Variants in CADM2 observed in about 807,000 individuals in gnomAD.
CADM2 encodes cell adhesion molecule 2.
Under a neutral mutation model 49.8 loss-of-function variants are expected in CADM2, and 12 were observed. The ratio of observed to expected loss-of-function variants is 0.24; its 90% CI spans 0.15 to 0.39. The LOEUF (loss-of-function observed/expected upper bound fraction) is 0.39. CADM2 is among the 10% of genes least tolerant of loss of function. CADM2 has a pLI of 1.00. For missense variants in CADM2, 378 were observed against 492.3 expected (o/e 0.77, Z 2.20); for synonymous variants, 214 against 175.4 (o/e 1.22, Z -1.74).
chr3:85,845,563 C>T lies in CADM2; in HGVS notation c.239-37728C>T, dbSNP rs3911062. Among the ~76,000 whole-genome samples the T allele has an allele frequency of 5.3e-3, 812 of 152,148 alleles. 28 individuals carry two copies. Among genetic ancestry groups the T allele is most frequent in the Admixed American group, 0.048 (740 of 15,266 alleles). ...ATCTCTGTGCTGAGGTGGCCTCCTC[C>T]GTAGGGCAACCAAAGTTTTTAGGTC... On this transcript the variant is annotated intron_variant, in intron 3 of 9. Coordinates refer to ENST00000383699, the MANE Select transcript of CADM2 (RefSeq NM_001167675.2).
Position 85,802,044 on chromosome 3 carries a change from T to C in CADM2, c.89-3T>C. The C allele has an allele frequency of 6.2e-7, 1 of 1,604,028 alleles. No homozygotes were observed. On this transcript the variant is annotated splice_polypyrimidine_tract_variant and splice_region_variant and intron_variant, in intron 2 of 9. Coordinates refer to ENST00000383699, the MANE Select transcript of CADM2 (RefSeq NM_001167675.2). Reference sequence around the variant, plus strand: ...ATCAACATTTTCTTTAATCCCCTTTTAGGCAGCCAAGGGCAGTTTCCACTA... The same window carrying C: ...ATCAACATTTTCTTTAATCCCCTTTCAGGCAGCCAAGGGCAGTTTCCACTA...
At chr3:85,498,171 GTTT>G (rs61505551) in intron 1 of CADM2, among the ~76,000 whole-genome samples, 2 of 134,602 alleles carry the variant, frequency 1.5e-5, no homozygotes, top group Non-Finnish European at 1.6e-5. Flanking sequence ...TTGTTGCCAA[GTTT>G]TTTTTTTTTT....
chr3:84,994,771 A>T (rs7647140), intron 1 of CADM2, among the ~76,000 whole-genome samples: 15,650 of 152,060 alleles, frequency 0.1, 1,648 homozygotes, highest in African/African-American at 0.27. Flanking sequence ...CCTCATGCCT[A>T]TAATCCCAGC....
At chr3:86,006,168 A>G (rs903866266) in intron 8 of CADM2, among the ~76,000 whole-genome samples, 6 of 152,222 alleles carry the variant, frequency 3.9e-5, no homozygotes, top group Admixed American at 2.0e-4. Flanking sequence ...AAACAGTGCT[A>G]CAACAAACAA....
intron 8 of CADM2, among the ~76,000 whole-genome samples, chr3:85,979,912 A>T (rs1284683275): frequency 6.6e-6 from 1 of 151,640 alleles, no homozygotes; most frequent in Non-Finnish European, 1.5e-5. Context: ...TCATTATACA[A>T]ATAAGAATTT....
intron 1 of CADM2, among the ~76,000 whole-genome samples, chr3:85,666,633 G>T (rs759373306): frequency 2.6e-5 from 4 of 151,918 alleles, no homozygotes; most frequent in Non-Finnish European, 5.9e-5. Context: ...ATGACCTAAT[G>T]GTAATAATCC....
In CADM2 at chr3:85,628,604, T is replaced by TATATATACATATATACAC. The variant is rs1165077586; in HGVS notation, c.62-97913_62-97912insTACATATATACACATATA. ...ACACATATATATACATATATACACA[T>TATATATACATATATACAC]ATATACATTTATATACATATATACG... On this transcript the variant is annotated intron_variant, in intron 1 of 9. Coordinates refer to ENST00000383699, the MANE Select transcript of CADM2 (RefSeq NM_001167675.2). Among the ~76,000 whole-genome samples, 10 of 138,548 alleles carry TATATATACATATATACAC rather than the reference T, an allele frequency of 7.2e-5. 1 individual carries two copies. The highest frequency in any genetic ancestry group is 1.4e-4 in the African/African-American group (5 of 36,392). The allele number at this position is 138,548 out of a possible 152,430, so 90.9% of individuals were successfully genotyped here.
In CADM2 at chr3:85,974,296, G is replaced by T. The variant is rs186009042; in HGVS notation, c.970+12649G>T. 2.7e-4 allele frequency among the ~76,000 whole-genome samples: 41 copies of T among 151,690 alleles called. No homozygotes were observed. In the East Asian group the frequency reaches 7.6e-3, roughly 28 times the overall value. ...CAGGGTGTGCCTCTGAGAACCTACA[G>T]CACAAAGAACAGGAAGAGCTATGTC... is the stretch of plus-strand genomic sequence containing the variant. On this transcript the variant is annotated intron_variant, in intron 8 of 9. Coordinates refer to ENST00000383699, the MANE Select transcript of CADM2 (RefSeq NM_001167675.2).
intron 1 of CADM2, among the ~76,000 whole-genome samples, chr3:85,089,398 A>T (rs2037508583): frequency 1.3e-5 from 2 of 152,096 alleles, no homozygotes; most frequent in Non-Finnish European, 2.9e-5. Flanking sequence ...AGTATTTTAA[A>T]CTTGATACAA....
intron 1 of CADM2, among the ~76,000 whole-genome samples, chr3:85,204,214 G>A (rs1396289434): frequency 1.3e-5 from 2 of 151,960 alleles, no homozygotes; most frequent in East Asian, 3.9e-4. Flanking sequence ...ACTGTAAATA[G>A]GATGCACAGA....
intron 1 of CADM2, among the ~76,000 whole-genome samples, chr3:85,688,020 T>C (rs2066267058): frequency 6.6e-6 from 1 of 152,164 alleles, no homozygotes; most frequent in Admixed American, 6.5e-5. Flanking sequence ...TGCCTGATGA[T>C]CTGAGATGGA....
chr3:85,130,617 G>T (rs1575939527), intron 1 of CADM2, among the ~76,000 whole-genome samples: 1 of 152,046 alleles, frequency 6.6e-6, no homozygotes, highest in African/African-American at 2.4e-5. Context: ...TAAAATAATT[G>T]GTCATAGGGA....
At chr3:85,768,844 T>C (rs952648459) in intron 2 of CADM2, among the ~76,000 whole-genome samples, 59 of 2,908 alleles carry the variant, frequency 0.02, 1 homozygote, top group African/African-American at 0.094. Context: ...ATATATAGTA[T>C]ATATACACAT....
chr3:85,608,329 T>C (rs1020710210), intron 1 of CADM2, among the ~76,000 whole-genome samples: 3 of 152,172 alleles, frequency 2.0e-5, no homozygotes, highest in Non-Finnish European at 4.4e-5. Flanking sequence ...TAAGTCGCTA[T>C]GGGTAGATTT....
In CADM2 at chr3:85,909,023, C is replaced by T. The variant is rs139975801; in HGVS notation, c.530-3350C>T. Reference sequence around the variant, plus strand: ...ACAGGCGTGAGCCACCACGCCCGGCCTACAGTTGTGATTTTTGAGGGAAAA... The same window carrying T: ...ACAGGCGTGAGCCACCACGCCCGGCTTACAGTTGTGATTTTTGAGGGAAAA... On this transcript the variant is annotated intron_variant, in intron 5 of 9. Transcript: ENST00000383699. Among the ~76,000 whole-genome samples the T allele has an allele frequency of 1.8e-3, 280 of 152,264 alleles. 1 individual carries two copies. Among genetic ancestry groups the T allele is most frequent in the African/African-American group, 6.6e-3 (275 of 41,558 alleles).
chr3:85,398,496 T>A (rs1262187262), intron 1 of CADM2, among the ~76,000 whole-genome samples: 1 of 152,194 alleles, frequency 6.6e-6, no homozygotes, highest in African/African-American at 2.4e-5. Context: ...AGCAGCATGA[T>A]TTATAATCCT....
intron 1 of CADM2, among the ~76,000 whole-genome samples, chr3:84,968,686 C>A (rs1448098617): frequency 6.6e-6 from 1 of 151,928 alleles, no homozygotes; most frequent in Non-Finnish European, 1.5e-5. Context: ...AAATGTGTAT[C>A]CCCTACCCTG....
intron 8 of CADM2, among the ~76,000 whole-genome samples, chr3:85,978,827 A>ATT (rs5850723): frequency 6.6e-6 from 1 of 150,722 alleles, no homozygotes; most frequent in Non-Finnish European, 1.5e-5. Context: ...AAAGCATGTC[A>ATT]TTTTTTTTTA....
chr3:85,461,739 A>G (rs767574921), intron 1 of CADM2, among the ~76,000 whole-genome samples: 1 of 152,180 alleles, frequency 6.6e-6, no homozygotes, highest in Non-Finnish European at 1.5e-5. Flanking sequence ...GCTAGATCAC[A>G]AATTTTGCAC....
Sources: allele counts gnomAD v4.1 joint callset (sites outside exome capture counted in the v4.1 genomes callset), GRCh38; gene constraint gnomAD v4.1.1; transcripts MANE v1.5; gene names NCBI Gene and HGNC (gene_info 2026-07-23, HGNC 2026-07-21).